The following AGBL3 variants were observed in gnomAD, a reference collection of about 807,000 sequenced individuals.
AGBL3 encodes AGBL carboxypeptidase 3.
In AGBL3, 68 loss-of-function variants were observed where a neutral mutation model predicts 94.5. The ratio of observed to expected loss-of-function variants is 0.72; its 90% confidence interval spans 0.59 to 0.88. The LOEUF (loss-of-function observed/expected upper bound fraction) is 0.88, where lower values mean the gene tolerates loss of function less well. Ranked by LOEUF, AGBL3 falls within the 40% of genes least tolerant of loss-of-function variation. The pLI is 0.00. For synonymous variants in AGBL3, 354 were observed against 370.7 expected, an observed-to-expected ratio of 0.95 and a Z score of 0.52; for missense variants, 934 against 1,103.8, an observed-to-expected ratio of 0.85 and a Z score of 2.18.
At chr7:135,011,732 T>G (rs951832919) in intron 4 of AGBL3, 1 of 152,188 alleles carries the variant, frequency 6.6e-6, no homozygotes, top group African/African-American at 2.4e-5. Flanking sequence ...TGAGTTCTGT[T>G]TCACAGAAAC....
In AGBL3 at chr7:135,017,312, T is replaced by A. The variant is rs188174699; in HGVS notation, c.418+153T>A. The A allele has an allele frequency of 4.6e-3, 2,801 of 615,016 alleles. 5 individuals are homozygous for A. Among genetic ancestry groups the A allele is most frequent in the Non-Finnish European group, 6.4e-3 (2,247 of 350,432 alleles). The allele number at this position is 615,016 out of a possible 1,614,324, so 38.1% of individuals were successfully genotyped here. ...GTTTATATATTGATCCAAGTGTTGA[T>A]TTAGAGCCAGTTATATTTTTGAAGG... On this transcript the variant is annotated intron_variant, in intron 5 of 16. Coordinates refer to ENST00000436302, the MANE Select transcript of AGBL3 (RefSeq NM_178563.4).
At chr7:135,078,485 A>T (rs1820656372) in intron 13 of AGBL3, among the ~76,000 whole-genome samples, 1 of 137,288 alleles carries the variant, frequency 7.3e-6, no homozygotes, top group South Asian at 2.8e-4. Flanking sequence ...CCAATAACCA[A>T]AATAGGTTTT....
intron 16 of AGBL3, among the ~76,000 whole-genome samples, chr7:135,125,519 G>C (rs1827752956): frequency 6.6e-6 from 1 of 152,134 alleles, no homozygotes; most frequent in Non-Finnish European, 1.5e-5. Context: ...TTGAAAAGGA[G>C]GGACTCCTCC....
intron 5 of AGBL3, among the ~76,000 whole-genome samples, chr7:135,023,709 C>T (rs1294751380): frequency 2.0e-5 from 3 of 152,184 alleles, no homozygotes; most frequent in African/African-American, 7.2e-5. Context: ...GGCTGACTAT[C>T]CTATCCCATC....
rs191824392 is a variant in AGBL3 at position 135,054,747 on chromosome 7, T to A, written c.1842-4422T>A. ...AGTTATAAAAATATGCATGCACACATATATTTGTATGTTTCCTTATTTCCA... is the reference window on the plus strand; with the variant it reads ...AGTTATAAAAATATGCATGCACACAAATATTTGTATGTTTCCTTATTTCCA... On this transcript the variant is annotated intron_variant, in intron 11 of 16. Coordinates refer to ENST00000436302, the MANE Select transcript of AGBL3 (RefSeq NM_178563.4). Among the ~76,000 whole-genome samples the A allele has an allele frequency of 2.9e-4, 44 of 152,328 alleles. No homozygotes were observed. In the South Asian group the frequency reaches 8.7e-3, roughly 30 times the overall value.
intron 11 of AGBL3, among the ~76,000 whole-genome samples, chr7:135,057,950 A>T (rs1237297947): frequency 6.6e-6 from 1 of 152,204 alleles, no homozygotes; most frequent in Non-Finnish European, 1.5e-5. Context: ...GAATAGATGG[A>T]ACACAGAGGA....
Position 134,993,531 on chromosome 7 carries a change from C to G in AGBL3, c.163C>G (p.Gln55Glu). The G allele has an allele frequency of 6.4e-7, 1 of 1,551,496 alleles. No individual in the cohort carries two copies. Among genetic ancestry groups the G allele is most frequent in the Non-Finnish European group, 8.7e-7 (1 of 1,146,874 alleles). Residue 55 changes from glutamine to glutamate, a missense_variant, in exon 4 of 17, where the codon CAG becomes GAG. Coordinates refer to ENST00000436302, the MANE Select transcript of AGBL3 (RefSeq NM_178563.4). ...TGATCCCTTCTTCCCCCGGACTACA[C>G]AGATACTATTAGAATATCAGCTAGG... Reference protein sequence around the residue: ...FGDPFFPRTTQILLEYQLGRW... With the variant: ...FGDPFFPRTTEILLEYQLGRW...
In AGBL3 at chr7:135,135,406, TC is replaced by T; in HGVS notation, c.*148del. ...ATGCATAAACTAAAAATTTTAGATATCCCATCTTCTGTAGTGGGAACATCTT... is the reference window on the plus strand; with the variant it reads ...ATGCATAAACTAAAAATTTTAGATATCCATCTTCTGTAGTGGGAACATCTT... On this transcript the variant is annotated 3_prime_UTR_variant, in exon 17 of 17. Transcript: ENST00000436302. 1.8e-6 allele frequency: 1 copy of T among 540,726 alleles called. No individual in the cohort carries two copies. The highest frequency in any genetic ancestry group is 2.9e-6 in the Non-Finnish European group (1 of 344,668). The allele number at this position is 540,726 out of a possible 1,614,324, so 33.5% of individuals were successfully genotyped here. A position where few individuals can be genotyped will look rare whatever the true frequency, so the allele number is the denominator to read the frequency against.
At chr7:135,114,418 T>A (rs1323099543) in intron 15 of AGBL3, among the ~76,000 whole-genome samples, 4 of 152,196 alleles carry the variant, frequency 2.6e-5, no homozygotes, top group South Asian at 4.1e-4. Flanking sequence ...GATAAACATT[T>A]TTTAAAATGT....
chr7:135,088,270 C>A (rs1456374575), intron 15 of AGBL3, among the ~76,000 whole-genome samples: 1 of 152,044 alleles, frequency 6.6e-6, no homozygotes, highest in African/African-American at 2.4e-5. Context: ...CAGTCTATAT[C>A]TTTTAAGTGG....
At chr7:135,015,858 C>A (rs376539002) in intron 4 of AGBL3, among the ~76,000 whole-genome samples, 54 of 77,098 alleles carry the variant, frequency 7.0e-4, no homozygotes, top group Middle Eastern at 6.9e-3. Flanking sequence ...ACTAAAAATA[C>A]AAAAAAAAGA....
At chr7:135,000,660 AT>A (rs528561771) in intron 4 of AGBL3, among the ~76,000 whole-genome samples, 1 of 152,086 alleles carries the variant, frequency 6.6e-6, no homozygotes, top group African/African-American at 2.4e-5. Context: ...TACTGGTTCT[AT>A]TTTTTCTGAA....
chr7:135,045,177 TCA>T (rs1817238684), intron 9 of AGBL3, among the ~76,000 whole-genome samples: 1 of 152,150 alleles, frequency 6.6e-6, no homozygotes, highest in African/African-American at 2.4e-5. Flanking sequence ...TGAGTTTTTC[TCA>T]AAGTGATTAT....
At chr7:135,128,473 G>T in intron 16 of AGBL3, 1 of 750,654 alleles carries the variant, frequency 1.3e-6, no homozygotes, top group South Asian at 1.4e-5. Context: ...TCAAGAGGAT[G>T]AATTGCTGGC....
intron 4 of AGBL3, chr7:135,012,232 A>G (rs1813250469): frequency 6.6e-6 from 1 of 152,216 alleles, no homozygotes; most frequent in Admixed American, 6.5e-5. Context: ...ACTTCTGTAG[A>G]TAAAAACTGT....
chr7:135,093,925 A>C (rs958376902), intron 15 of AGBL3: 3 of 158,422 alleles, frequency 1.9e-5, no homozygotes, highest in African/African-American at 7.2e-5. Flanking sequence ...AGGATTGAAA[A>C]TATGTAAATA....
intron 11 of AGBL3, 87 bp downstream of exon 11, chr7:135,045,998 T>A: frequency 2.1e-6 from 2 of 954,758 alleles, no homozygotes; most frequent in Non-Finnish European, 3.1e-6. Context: ...TTGTCAGTTC[T>A]CAACTGAAAA....
At chr7:135,002,677 A>T (rs961090052) in intron 4 of AGBL3, among the ~76,000 whole-genome samples, 1 of 152,216 alleles carries the variant, frequency 6.6e-6, no homozygotes, top group African/African-American at 2.4e-5. Flanking sequence ...TTCTTTGGAT[A>T]TACAGGGTTT....
intron 15 of AGBL3, among the ~76,000 whole-genome samples, chr7:135,086,440 T>C (rs899601857): frequency 1.3e-5 from 2 of 152,056 alleles, no homozygotes; most frequent in East Asian, 1.9e-4. Context: ...CAGCATGATA[T>C]TGGGTGCGGG....
Sources: allele counts gnomAD v4.1 joint callset (sites outside exome capture counted in the v4.1 genomes callset), GRCh38; gene constraint gnomAD v4.1.1; transcripts MANE v1.5; gene names NCBI Gene and HGNC (gene_info 2026-07-23, HGNC 2026-07-21).